Variants in LDLRAD4 observed in about 807,000 individuals in gnomAD.
LDLRAD4 encodes the protein low-density lipoprotein receptor class A domain-containing protein 4.
In LDLRAD4, 5 loss-of-function variants were observed where a neutral mutation model predicts 17.0. That is an observed-to-expected ratio of 0.29 (90% CI 0.15 to 0.62). The LOEUF (loss-of-function observed/expected upper bound fraction) is 0.62. Among genes scored for constraint, LDLRAD4 ranks in the 20% least tolerant of loss-of-function variants. LDLRAD4 has a pLI of 0.84. For synonymous variants in LDLRAD4, 168 were observed against 171.8 expected (o/e 0.98, Z 0.17); for missense variants, 340 against 424.7 (o/e 0.80, Z 1.75).
rs187187757 is a variant in LDLRAD4, at chr18:13,349,095, C to T, written c.-382-38246C>T. Among the ~76,000 whole-genome samples the T allele has an allele frequency of 1.1e-4, 17 of 152,298 alleles. No individual in the cohort carries two copies. In the South Asian group the frequency reaches 1.2e-3, roughly 11 times the overall value. ...CCCCCACTGTCCTGCACCCACTGTC[C>T]GACAATCCCCAGTGAGATGAACCCG... On this transcript the variant is annotated intron_variant, in intron 1 of 5. Transcript: ENST00000359446.
intron 1 of LDLRAD4, among the ~76,000 whole-genome samples, chr18:13,365,778 T>C (rs1030472428): frequency 3.9e-5 from 6 of 152,194 alleles, no homozygotes; most frequent in African/African-American, 1.2e-4. Flanking sequence ...ATTATTTGAC[T>C]GATTGATTGA....
chr18:13,471,010 G>A (rs2092757739), intron 3 of LDLRAD4: 2 of 152,266 alleles, frequency 1.3e-5, no homozygotes, highest in Non-Finnish European at 2.9e-5. Context: ...TGTAGACAAA[G>A]TGTGGGAGTG....
intron 2 of LDLRAD4, chr18:13,421,075 T>A (rs1212211385): frequency 6.6e-6 from 1 of 152,268 alleles, no homozygotes; most frequent in Admixed American, 6.5e-5. Flanking sequence ...GAGAACATCC[T>A]TCCGCGCTGA....
rs990217509 is a variant in LDLRAD4, at chr18:13,496,223, G to A, written c.181+57839G>A. On this transcript the variant is annotated intron_variant, in intron 3 of 5. Coordinates refer to ENST00000359446, the Ensembl canonical transcript of LDLRAD4. ...GAGTCGTGGAGACTGTCAGGAAATCGTGTGCGTTGTTCAGGAAGATGGTGG... is the reference window on the plus strand; with the variant it reads ...GAGTCGTGGAGACTGTCAGGAAATCATGTGCGTTGTTCAGGAAGATGGTGG... Among the ~76,000 whole-genome samples the A allele has an allele frequency of 1.3e-4, 20 of 152,276 alleles. No homozygotes were observed. The East Asian group carries it at 2.9e-3, about 22-fold the overall frequency.
intron 1 of LDLRAD4, chr18:13,236,307 CTTT>C (rs777785875): frequency 1.3e-4 from 15 of 113,372 alleles, no homozygotes; most frequent in Non-Finnish European, 1.9e-4. Flanking sequence ...AATAGAAAAA[CTTT>C]TTTTTTTTTT....
intron 1 of LDLRAD4, among the ~76,000 whole-genome samples, chr18:13,297,367 T>C (rs1163169772): frequency 1.3e-5 from 2 of 152,190 alleles, no homozygotes; most frequent in Non-Finnish European, 1.5e-5. Flanking sequence ...CTGTGGGTGC[T>C]GGGACCACTT....
chr18:13,324,187 A>G (rs1278246957), intron 1 of LDLRAD4, among the ~76,000 whole-genome samples: 2 of 150,132 alleles, frequency 1.3e-5, no homozygotes, highest in Non-Finnish European at 3.0e-5. Flanking sequence ...GCCCAGGCTG[A>G]AGTGCAGTGG....
intron 1 of LDLRAD4, among the ~76,000 whole-genome samples, chr18:13,381,393 G>A (rs1372910439): frequency 1.3e-5 from 2 of 152,124 alleles, no homozygotes; most frequent in Non-Finnish European, 2.9e-5. Flanking sequence ...ATGCCCATTT[G>A]CCCTCTCTCT....
At chr18:13,235,553 G>C (rs2042293046) in intron 1 of LDLRAD4, among the ~76,000 whole-genome samples, 1 of 152,218 alleles carries the variant, frequency 6.6e-6, no homozygotes, top group African/African-American at 2.4e-5. Context: ...CACAAGGATT[G>C]TGAAAACCAA....
chr18:13,286,821 C>T (rs2045649067), intron 1 of LDLRAD4, among the ~76,000 whole-genome samples: 1 of 152,094 alleles, frequency 6.6e-6, no homozygotes, highest in Admixed American at 6.5e-5. Context: ...TGAGCTGAAG[C>T]AACAGCTGTG....
intron 4 of LDLRAD4, among the ~76,000 whole-genome samples, chr18:13,634,098 ACAT>A (rs1458276753): frequency 6.6e-6 from 1 of 152,268 alleles, no homozygotes. Flanking sequence ...CCCACAGCTT[ACAT>A]CATACTTAAT....
chr18:13,247,960 CT>C (rs34516593), intron 1 of LDLRAD4, among the ~76,000 whole-genome samples: 77 of 131,984 alleles, frequency 5.8e-4, no homozygotes, highest in Middle Eastern at 4.1e-3. Flanking sequence ...CGCCCCCCGC[CT>C]TTTTTTTTTT....
At chr18:13,505,675 G>A (rs1302510826) in intron 3 of LDLRAD4, among the ~76,000 whole-genome samples, 1 of 151,994 alleles carries the variant, frequency 6.6e-6, no homozygotes, top group South Asian at 2.1e-4. Context: ...AATATTACCC[G>A]GGCGTGGTGG....
intron 2 of LDLRAD4, among the ~76,000 whole-genome samples, chr18:13,408,962 A>G (rs2088061846): frequency 6.6e-6 from 1 of 152,046 alleles, no homozygotes; most frequent in South Asian, 2.1e-4. Context: ...TGAAGTGATG[A>G]TGATTACATC....
intron 1 of LDLRAD4, among the ~76,000 whole-genome samples, chr18:13,372,289 T>TG (rs1056915868): frequency 6.6e-6 from 1 of 152,152 alleles, no homozygotes. Flanking sequence ...ACAGTTGCCT[T>TG]GGGGGTACAC....
chr18:13,508,544 C>G (rs2093729711), intron 3 of LDLRAD4, among the ~76,000 whole-genome samples: 1 of 152,176 alleles, frequency 6.6e-6, no homozygotes, highest in African/African-American at 2.4e-5. Flanking sequence ...TGCTCATTTC[C>G]CATTCCAAAA....
intron 3 of LDLRAD4, among the ~76,000 whole-genome samples, chr18:13,457,125 C>T (rs1335771652): frequency 6.6e-6 from 1 of 152,246 alleles, no homozygotes; most frequent in African/African-American, 2.4e-5. Context: ...CAAGGCTGCC[C>T]CTCAGACTCC....
intron 3 of LDLRAD4, among the ~76,000 whole-genome samples, chr18:13,545,093 C>T (rs2094342028): frequency 6.6e-6 from 1 of 152,126 alleles, no homozygotes; most frequent in African/African-American, 2.4e-5. Context: ...CCAGAAGGTC[C>T]TCAGCTGAGA....
intron 3 of LDLRAD4, among the ~76,000 whole-genome samples, chr18:13,443,387 T>C (rs950741500): frequency 6.6e-6 from 1 of 152,186 alleles, no homozygotes; most frequent in African/African-American, 2.4e-5. Context: ...CATAACCACA[T>C]AGCCACATAG....
Sources: allele counts gnomAD v4.1 joint callset (sites outside exome capture counted in the v4.1 genomes callset), GRCh38; gene constraint gnomAD v4.1.1; transcripts MANE v1.5; gene names NCBI Gene and HGNC (gene_info 2026-07-23, HGNC 2026-07-21).